The following DNAAF5 variants were observed in gnomAD, a reference collection of about 807,000 sequenced individuals.
DNAAF5 encodes dynein axonemal assembly factor 5.
A neutral mutation model predicts 75.8 loss-of-function variants in DNAAF5; 64 were observed. The observed-to-expected ratio is 0.84, with a 90% CI of 0.69 to 1.04. The LOEUF is 1.04. Among genes scored for constraint, DNAAF5 ranks in the 50% least tolerant of loss-of-function variants. The pLI, the probability that DNAAF5 is intolerant of heterozygous loss-of-function variation, is 0.00. For synonymous variants in DNAAF5, 657 were observed against 557.2 expected (o/e 1.18, Z -2.52); for missense variants, 1,269 against 1,178.5 (o/e 1.08, Z -1.12).
intron 11 of DNAAF5, among the ~76,000 whole-genome samples, chr7:779,018 C>G (rs1381600838): frequency 6.6e-6 from 1 of 152,282 alleles, no homozygotes; most frequent in Admixed American, 6.5e-5. Flanking sequence ...GGCCCAGAAC[C>G]CTCAGGGAAG....
chr7:764,663 C>G (rs567693261), intron 8 of DNAAF5, among the ~76,000 whole-genome samples: 4 of 152,200 alleles, frequency 2.6e-5, no homozygotes, highest in Admixed American at 6.5e-5. Context: ...ATGCTAAGAT[C>G]GTTCTTACAC....
intron 5 of DNAAF5, among the ~76,000 whole-genome samples, chr7:756,364 G>A (rs1434644036): frequency 6.9e-6 from 1 of 144,340 alleles, no homozygotes; most frequent in Non-Finnish European, 1.5e-5. Flanking sequence ...GCTGGTGTGT[G>A]GTGTCCACTG....
At chr7:735,943 C>T (rs1781729801) in intron 2 of DNAAF5, among the ~76,000 whole-genome samples, 2 of 152,050 alleles carry the variant, frequency 1.3e-5, no homozygotes, top group African/African-American at 4.8e-5. Context: ...GCTGCTTTTG[C>T]TGTTTTTGCA....
At chr7:744,893 A>G (rs1053653023) in intron 4 of DNAAF5, among the ~76,000 whole-genome samples, 2 of 152,158 alleles carry the variant, frequency 1.3e-5, no homozygotes, top group African/African-American at 4.8e-5. Context: ...GTGAGCCACC[A>G]CGCCTGGACC....
intron 10 of DNAAF5, 121 bp downstream of exon 10, chr7:774,319 C>G (rs1039246909): frequency 3.7e-6 from 4 of 1,074,010 alleles, no homozygotes; most frequent in Non-Finnish European, 5.2e-6. Context: ...CACCTGGGGC[C>G]CGTACCCCAA....
At chr7:744,403 T>C (rs1195805484) in intron 4 of DNAAF5, among the ~76,000 whole-genome samples, 2 of 152,236 alleles carry the variant, frequency 1.3e-5, no homozygotes, top group Non-Finnish European at 2.9e-5. Context: ...TAAACATACA[T>C]GTGCCTGTGT....
chr7:775,461 G>A lies in DNAAF5; in HGVS notation c.2239+299G>A, dbSNP rs568409234. Reference sequence around the variant, plus strand: ...CTCAGGAAGCTGAGGCAGGAGGATCGCTTGAGCCCAGCCTGGGCAACAGAC... The same window carrying A: ...CTCAGGAAGCTGAGGCAGGAGGATCACTTGAGCCCAGCCTGGGCAACAGAC... On this transcript the variant is annotated intron_variant, in intron 11 of 12. Coordinates refer to ENST00000297440, the MANE Select transcript of DNAAF5 (RefSeq NM_017802.4). 9.3e-4 allele frequency among the ~76,000 whole-genome samples: 142 copies of A among 152,154 alleles called. No homozygotes were observed. The Middle Eastern group carries it at 0.027, about 29-fold the overall frequency.
At chr7:768,680 G>A in intron 8 of DNAAF5, 1 of 161,314 alleles carries the variant, frequency 6.2e-6, no homozygotes. Flanking sequence ...GCTGCAAGCA[G>A]GAGCGCTCAT....
intron 2 of DNAAF5, among the ~76,000 whole-genome samples, chr7:738,669 G>A (rs1034477702): frequency 6.6e-6 from 1 of 152,204 alleles, no homozygotes; most frequent in Non-Finnish European, 1.5e-5. Flanking sequence ...AAAGAAAAGG[G>A]ATAATTCGTC....
chr7:778,060 C>T (rs1350303825), intron 11 of DNAAF5: 3 of 152,148 alleles, frequency 2.0e-5, no homozygotes, highest in South Asian at 2.1e-4. Flanking sequence ...GCAGAAAAAC[C>T]GCCGCCTGCT....
chr7:765,257 T>C (rs1782784794), intron 8 of DNAAF5, among the ~76,000 whole-genome samples: 1 of 152,208 alleles, frequency 6.6e-6, no homozygotes, highest in Non-Finnish European at 1.5e-5. Context: ...TGGTGGGAAC[T>C]GTGACCCCGT....
chr7:768,267 G>T lies in DNAAF5; in HGVS notation c.1784-2204G>T, dbSNP rs145192150. Among the ~76,000 whole-genome samples, 435 of 147,392 alleles carry T rather than the reference G, an allele frequency of 3.0e-3. 1 individual carries two copies. Among genetic ancestry groups the T allele is most frequent in the African/African-American group, 0.01 (401 of 39,640 alleles). ...GTGTCCGTGCTGCGAGGAGGAGCTA[G>T]CGCTGGGAGGGGAGACACGTGGTCT... On this transcript the variant is annotated intron_variant, in intron 8 of 12. Coordinates refer to ENST00000297440, the MANE Select transcript of DNAAF5 (RefSeq NM_017802.4).
chr7:766,258 A>G (rs558109560), intron 8 of DNAAF5, among the ~76,000 whole-genome samples: 68 of 152,334 alleles, frequency 4.5e-4, no homozygotes, highest in African/African-American at 1.6e-3. Context: ...GTGTCCTTGG[A>G]ATACAGATGA....
intron 6 of DNAAF5, 31 bp downstream of exon 6, chr7:757,025 G>A (rs1478453363): frequency 1.3e-6 from 2 of 1,575,338 alleles, no homozygotes; most frequent in Admixed American, 1.7e-5. Flanking sequence ...CGGGAGTGGA[G>A]AGGAGGAGCC....
At chr7:739,571 C>T (rs1358924915) in intron 2 of DNAAF5, among the ~76,000 whole-genome samples, 5 of 152,222 alleles carry the variant, frequency 3.3e-5, no homozygotes, top group African/African-American at 4.8e-5. Flanking sequence ...TGTGTCCCCT[C>T]GCGTGCTTCC....
chr7:739,855 C>T (rs1160218542), intron 2 of DNAAF5, among the ~76,000 whole-genome samples: 1 of 152,178 alleles, frequency 6.6e-6, no homozygotes, highest in Non-Finnish European at 1.5e-5. Flanking sequence ...CTCCGAGTCC[C>T]AGCGAGTGAC....
chr7:774,558 C>CAG (rs528891905), intron 10 of DNAAF5, among the ~76,000 whole-genome samples: 55,400 of 151,432 alleles, frequency 0.37, 10,352 homozygotes, highest in Admixed American at 0.4. Flanking sequence ...CTGGGCTTTC[C>CAG]GCATCGTTTC....
intron 11 of DNAAF5, among the ~76,000 whole-genome samples, chr7:776,203 G>A (rs1778756116): frequency 1.3e-5 from 2 of 152,068 alleles, no homozygotes; most frequent in South Asian, 4.2e-4. Context: ...GGACATGGTG[G>A]TGCGCGCCTG....
rs548630603 is a variant in DNAAF5 at position 728,505 on chromosome 7, T to A, written c.596-1158T>A. On this transcript the variant is annotated intron_variant, in intron 1 of 12. Coordinates refer to ENST00000297440, the MANE Select transcript of DNAAF5 (RefSeq NM_017802.4). The stretch of plus-strand genomic sequence containing the variant: ...TTGGGGAAATGCCGAGATTTCCACG[T>A]TGGTTAACTTTGGATTTCACATGGT... Among the ~76,000 whole-genome samples the A allele has an allele frequency of 2.4e-3, 361 of 152,324 alleles. 2 individuals are homozygous for A. Among genetic ancestry groups the A allele is most frequent in the African/African-American group, 8.2e-3 (340 of 41,578 alleles).
Sources: allele counts gnomAD v4.1 joint callset (sites outside exome capture counted in the v4.1 genomes callset), GRCh38; gene constraint gnomAD v4.1.1; transcripts MANE v1.5; gene names NCBI Gene and HGNC (gene_info 2026-07-23, HGNC 2026-07-21).